The following CRYGB variants were observed in gnomAD, a reference collection of about 807,000 sequenced individuals.
The protein encoded by CRYGB is gamma-crystallin B.
Under a neutral mutation model 21.3 loss-of-function variants are expected in CRYGB, and 19 were observed. The observed-to-expected ratio is 0.89, with a 90% confidence interval of 0.62 to 1.31. The LOEUF (loss-of-function observed/expected upper bound fraction) is 1.31, where lower values mean the gene tolerates loss of function less well. Among genes scored for constraint, CRYGB ranks in the 50% most tolerant of loss-of-function variants. The pLI, the probability that CRYGB is intolerant of heterozygous loss-of-function variation, is 0.00. For synonymous variants in CRYGB, 81 were observed against 81.2 expected, an observed-to-expected ratio of 1.00 and a Z score of 0.01; for missense variants, 254 against 228.4, an observed-to-expected ratio of 1.11 and a Z score of -0.72.
intron 2 of CRYGB, among the ~76,000 whole-genome samples, chr2:208,143,591 C>A (rs1695398277): frequency 7.1e-6 from 1 of 140,328 alleles, no homozygotes; most frequent in Non-Finnish European, 1.6e-5. Context: ...CAACCTCCAC[C>A]TTCTGGGTTC....
At chr2:208,145,495 C>T (rs1262181797) in intron 2 of CRYGB, among the ~76,000 whole-genome samples, 2 of 151,964 alleles carry the variant, frequency 1.3e-5, no homozygotes, top group Non-Finnish European at 2.9e-5. Context: ...TCGAGATCAG[C>T]CTGGGCAACA....
chr2:208,145,487 G>A (rs1695443524), intron 2 of CRYGB, among the ~76,000 whole-genome samples: 1 of 151,996 alleles, frequency 6.6e-6, no homozygotes, highest in South Asian at 2.1e-4. Context: ...CCAGGAGTTC[G>A]AGATCAGCCT....
chr2:208,145,634 A>AGCC (rs1695446843), intron 2 of CRYGB, 140 bp downstream of exon 2: 1 of 1,419,078 alleles, frequency 7.0e-7, no homozygotes, highest in Non-Finnish European at 9.2e-7. Flanking sequence ...AGTTGCAGTG[A>AGCC]GCCGAGATCA....
chr2:208,145,372 G>A (rs1343129713), intron 2 of CRYGB, among the ~76,000 whole-genome samples: 1 of 151,206 alleles, frequency 6.6e-6, no homozygotes, highest in Non-Finnish European at 1.5e-5. Context: ...CCAGCCGCCC[G>A]AGTAGCTGGG....
chr2:208,142,984 C>T lies in CRYGB; in HGVS notation c.253-71G>A, dbSNP rs1220719073. 1.1e-5 allele frequency: 17 copies of T among 1,500,154 alleles called. No individual in the cohort carries two copies. In the East Asian group the frequency reaches 3.2e-4, roughly 28 times the overall value. The allele number at this position is 1,500,154 out of a possible 1,614,324, so 92.9% of individuals were successfully genotyped here. On this transcript the variant is annotated intron_variant, in intron 2 of 2. Transcript: ENST00000260988. ...ATGGAAATTAAAGCTCCAGTCCCTA[C>T]ACCTCCCTGGCCACACCTGCCCAGA...
rs1574338992 is a variant in CRYGB, at chr2:208,145,860, A to G, written c.166T>C (p.Tyr56His). 1 of 1,614,088 alleles carries G rather than the reference A, an allele frequency of 6.2e-7. No homozygotes were observed. The highest frequency in any genetic ancestry group is 8.5e-7 in the Non-Finnish European group (1 of 1,180,008). ...GGGTACTCCCCACGCCGCAGGAAGT[A>G]CTGGTGGCCCTGGTAGTTGGGGCGC... ...YERPNYQGHQYFLRRGEYPDY... is the reference protein window; with the variant it reads ...YERPNYQGHQHFLRRGEYPDY... The change falls in exon 2 of 3, where the codon TAC becomes CAC. Residue 56 changes from tyrosine (Y) to histidine (H), a missense_variant. Tyr to His is a moderately conservative substitution (Grantham distance 83). Transcript: ENST00000260988.
rs771872699 is a variant in CRYGB at position 208,146,112 on chromosome 2, C to T, written c.9G>A (p.Lys3=). MG[K]ITFYEDRAFQ... ...TGAGCATCCGGTACCCAGGACTTAC[C>T]TTTCCCATTTTGAAGGAAGTGAGCA... Residue 3 remains lysine (K), a splice_region_variant and synonymous_variant, in exon 1 of 3, where the codon AAG becomes AAA. Transcript: ENST00000260988. The T allele has an allele frequency of 3.7e-6, 6 of 1,614,176 alleles. No homozygotes were observed. The highest frequency in any genetic ancestry group is 3.3e-5 in the Admixed American group (2 of 60,028).
At position 208,145,459 on chromosome 2, in the gene CRYGB, C is replaced by T. The variant is rs190813156; in HGVS notation, c.252+315G>A. ...ATCCCAGCACTTTGGGAGGCCGAGG[C>T]GGGCGGATCACTTGAGGCCAGGAGT... is the stretch of plus-strand genomic sequence containing the variant. On this transcript the variant is annotated intron_variant, in intron 2 of 2. Coordinates refer to ENST00000260988, the MANE Select transcript of CRYGB (RefSeq NM_005210.4). Among the ~76,000 whole-genome samples, 1,133 of 152,032 alleles carry T rather than the reference C, an allele frequency of 7.5e-3. 18 individuals are homozygous for T. The highest frequency in any genetic ancestry group is 0.01 in the Middle Eastern group (3 of 292).
At chr2:208,143,331 T>C (rs1302928437) in intron 2 of CRYGB, among the ~76,000 whole-genome samples, 1 of 152,222 alleles carries the variant, frequency 6.6e-6, no homozygotes, top group Non-Finnish European at 1.5e-5. Flanking sequence ...AGGGCAAACC[T>C]GTCTCCCATT....
chr2:208,145,774 CG>C lies in CRYGB; in HGVS notation c.251del (p.Pro84ArgfsTer8), dbSNP rs1559328208. The stretch of plus-strand genomic sequence containing the variant: ...AAGGCAAAGACAGAGCCACACTCAC[CG>C]GGGGGATGAGGCAGCAGGAGCGGAT... ...DSIRSCCLIP[P>X]HSGAYRMKIY... is the part of the protein sequence containing the mutation. On this transcript the variant is annotated frameshift_variant and splice_region_variant, in exon 2 of 3. Transcript: ENST00000260988. LOFTEE classifies it high-confidence loss of function. The C allele has an allele frequency of 2.5e-6, 4 of 1,611,532 alleles. No individual in the cohort carries two copies. Among genetic ancestry groups the C allele is most frequent in the Non-Finnish European group, 3.4e-6 (4 of 1,178,836 alleles).
In CRYGB at chr2:208,145,955, G is replaced by A. The variant is rs775256420; in HGVS notation, c.71C>T (p.Pro24Leu). The A allele has an allele frequency of 1.9e-6, 3 of 1,614,172 alleles. No homozygotes were observed. Among genetic ancestry groups the A allele is most frequent in the East Asian group, 2.2e-5 (1 of 44,872 alleles). ...GRSYECTTDCPNLQPYFSRCN... is the reference protein window; with the variant it reads ...GRSYECTTDCLNLQPYFSRCN... ...GCGGCTGAAATAGGGTTGTAGGTTGGGGCAGTCAGTGGTGCATTCGTAGCT... is the reference window on the plus strand; with the variant it reads ...GCGGCTGAAATAGGGTTGTAGGTTGAGGCAGTCAGTGGTGCATTCGTAGCT... Residue 24 changes from proline to leucine, a missense_variant, in exon 2 of 3, where the codon CCC (proline) becomes CTC (leucine). Pro to Leu is a moderately conservative substitution (Grantham distance 98). Transcript: ENST00000260988.
Position 208,145,788 on chromosome 2 carries a change from A to G in CRYGB, c.238T>C (p.Cys80Arg), listed in dbSNP as rs574950608. 9 of 1,613,002 alleles carry G rather than the reference A, an allele frequency of 5.6e-6. No individual in the cohort carries two copies. Among genetic ancestry groups the G allele is most frequent in the Middle Eastern group, 1.7e-4 (1 of 5,734 alleles). The change falls in exon 2 of 3, where the codon TGC (cysteine) becomes CGC (arginine). Residue 80 changes from cysteine to arginine, a missense_variant. Physicochemically the swap from Cys to Arg is radical, Grantham distance 180. Transcript: ENST00000260988. ...MGLSDSIRSC[C>R]LIPPHSGAYR... is the part of the protein sequence containing the mutation. Reference sequence around the variant, plus strand: ...GCCACACTCACCGGGGGGATGAGGCAGCAGGAGCGGATGGAGTCGCTGAGG... The same window carrying G: ...GCCACACTCACCGGGGGGATGAGGCGGCAGGAGCGGATGGAGTCGCTGAGG...
At position 208,142,935 on chromosome 2, in the gene CRYGB, G is replaced by A. The variant is rs75525637; in HGVS notation, c.253-22C>T. The A allele has an allele frequency of 8.3e-4, 1,296 of 1,565,678 alleles. 12 individuals carry two copies. In the African/African-American group the frequency reaches 0.016, roughly 19 times the overall value. On this transcript the variant is annotated intron_variant, in intron 2 of 2. Coordinates refer to ENST00000260988, the MANE Select transcript of CRYGB (RefSeq NM_005210.4). ...AGTGCTGGAGTGGCAGACAGAAAACGCAAGAGTAAACAAACAAAAACAGAT... is the reference window on the plus strand; with the variant it reads ...AGTGCTGGAGTGGCAGACAGAAAACACAAGAGTAAACAAACAAAAACAGAT...
intron 2 of CRYGB, among the ~76,000 whole-genome samples, chr2:208,144,340 G>T (rs1695415783): frequency 6.6e-6 from 1 of 151,926 alleles, no homozygotes; most frequent in African/African-American, 2.4e-5. Flanking sequence ...TTTCTAAATT[G>T]ACTGAGACCT....
In CRYGB at chr2:208,142,879, C is replaced by T; in HGVS notation, c.287G>A (p.Arg96Lys). 6.2e-7 allele frequency: 1 copy of T among 1,612,456 alleles called. No individual in the cohort carries two copies. The highest frequency in any genetic ancestry group is 8.5e-7 in the Non-Finnish European group (1 of 1,179,270). Residue 96 changes from arginine to lysine, a missense_variant, in exon 3 of 3, where the codon AGA (arginine) becomes AAA (lysine). Arg to Lys is a conservative substitution (Grantham distance 26, BLOSUM62 2). Coordinates refer to ENST00000260988, the MANE Select transcript of CRYGB (RefSeq NM_005210.4). ...SGAYRMKIYD[R>K]DELRGQMSEL... The stretch of plus-strand genomic sequence containing the variant: ...TGACATTTGTCCCCTCAATTCATCT[C>T]TGTCGTAGATCTTCATTCTGTAAGC...
intron 2 of CRYGB, among the ~76,000 whole-genome samples, chr2:208,144,285 G>C (rs1313125719): frequency 6.6e-6 from 1 of 152,108 alleles, no homozygotes; most frequent in Non-Finnish European, 1.5e-5. Flanking sequence ...AAAAGTGCTG[G>C]GATTACAGGC....
At chr2:208,145,707 A>AAAGAAT in intron 2 of CRYGB, 67 bp downstream of exon 2, 1 of 1,516,972 alleles carries the variant, frequency 6.6e-7, no homozygotes, top group Non-Finnish European at 8.8e-7. Context: ...AAAAAAAAAA[A>AAAGAAT]AAAAGAATAT....
At chr2:208,143,433 A>T (rs1695394062) in intron 2 of CRYGB, among the ~76,000 whole-genome samples, 1 of 152,102 alleles carries the variant, frequency 6.6e-6, no homozygotes, top group Non-Finnish European at 1.5e-5. Context: ...ATGCAGAGTC[A>T]TCGAGCCAGA....
In CRYGB at chr2:208,142,896, T is replaced by C. The variant is rs375178597; in HGVS notation, c.270A>G (p.Arg90=). ...CLIPPHSGAY[R]MKIYDRDELR... is the part of the protein sequence containing the mutation. Reference sequence around the variant, plus strand: ...ATTCATCTCTGTCGTAGATCTTCATTCTGTAAGCGCCAGAGTGCTGGAGTG... The same window carrying C: ...ATTCATCTCTGTCGTAGATCTTCATCCTGTAAGCGCCAGAGTGCTGGAGTG... The change falls in exon 3 of 3, where the codon AGA becomes AGG. Residue 90 remains arginine, a synonymous_variant. Coordinates refer to ENST00000260988, the MANE Select transcript of CRYGB (RefSeq NM_005210.4). 6.2e-7 allele frequency: 1 copy of C among 1,607,602 alleles called. No homozygotes were observed. Among genetic ancestry groups the C allele is most frequent in the Non-Finnish European group, 8.5e-7 (1 of 1,176,948 alleles).
Sources: allele counts gnomAD v4.1 joint callset (sites outside exome capture counted in the v4.1 genomes callset), GRCh38; gene constraint gnomAD v4.1.1; transcripts MANE v1.5; gene names NCBI Gene and HGNC (gene_info 2026-07-23, HGNC 2026-07-21).